PRKAR2A: variants seen among roughly 807,000 people sequenced by gnomAD.
PRKAR2A encodes protein kinase cAMP-dependent type II regulatory subunit alpha.
A neutral mutation model predicts 51.9 loss-of-function variants in PRKAR2A; 29 were observed. The ratio of observed to expected loss-of-function variants is 0.56; its 90% CI spans 0.42 to 0.76. The LOEUF is 0.76. PRKAR2A is among the 30% of genes least tolerant of loss of function. The pLI is 0.00. For missense variants in PRKAR2A, 445 were observed against 512.1 expected, an observed-to-expected ratio of 0.87 and a Z score of 1.26; for synonymous variants, 178 against 186.2, an observed-to-expected ratio of 0.96 and a Z score of 0.36.
chr3:48,768,294 A>AAGAT (rs561041221), intron 6 of PRKAR2A, among the ~76,000 whole-genome samples: 67,210 of 140,034 alleles, frequency 0.48, 16,321 homozygotes, highest in East Asian at 0.52. Flanking sequence ...ACCGTCTCAA[A>AAGAT]AGATAGATAG....
intron 8 of PRKAR2A, among the ~76,000 whole-genome samples, chr3:48,764,613 G>A (rs1309577662): frequency 6.6e-6 from 1 of 152,058 alleles, no homozygotes; most frequent in African/African-American, 2.4e-5. Context: ...CCAACAGTGG[G>A]AGAACATAGA....
chr3:48,842,514 A>G (rs1389621827), intron 1 of PRKAR2A, among the ~76,000 whole-genome samples: 1 of 152,186 alleles, frequency 6.6e-6, no homozygotes, highest in African/African-American at 2.4e-5. Context: ...GAATGCTTCC[A>G]GTTTTTGCCC....
intron 1 of PRKAR2A, among the ~76,000 whole-genome samples, chr3:48,808,039 TC>T: frequency 7.2e-6 from 1 of 139,618 alleles, no homozygotes; most frequent in Non-Finnish European, 1.5e-5. Flanking sequence ...TTTCTTTTTT[TC>T]TTTCTTTCTT....
At chr3:48,764,373 T>C (rs983403690) in intron 8 of PRKAR2A, among the ~76,000 whole-genome samples, 1 of 152,128 alleles carries the variant, frequency 6.6e-6, no homozygotes, top group Non-Finnish European at 1.5e-5. Flanking sequence ...GTGTCAAATA[T>C]AGAAAGTTAG....
intron 9 of PRKAR2A, among the ~76,000 whole-genome samples, chr3:48,754,885 C>G (rs1381538100): frequency 6.6e-6 from 1 of 150,412 alleles, no homozygotes; most frequent in Non-Finnish European, 1.5e-5. Context: ...CCACTGCATT[C>G]CAGCCTGGGC....
At chr3:48,765,649 C>G (rs1227815231) in intron 6 of PRKAR2A, among the ~76,000 whole-genome samples, 1 of 120,178 alleles carries the variant, frequency 8.3e-6, no homozygotes, top group East Asian at 3.0e-4. Flanking sequence ...TGTTCAATAT[C>G]AAAAAAGACA....
At position 48,847,388 on chromosome 3, in the gene PRKAR2A, C is replaced by G; in HGVS notation, c.209G>C (p.Arg70Pro). 1 of 1,611,458 alleles carries G rather than the reference C, an allele frequency of 6.2e-7. No individual in the cohort carries two copies. Among genetic ancestry groups the G allele is most frequent in the Non-Finnish European group, 8.5e-7 (1 of 1,178,896 alleles). Residue 70 changes from arginine to proline, a missense_variant, in exon 1 of 11, where the codon CGT becomes CCT. Coordinates refer to ENST00000265563, the MANE Select transcript of PRKAR2A (RefSeq NM_004157.4). This position sits in a 1 kb window ranked among gnomAD's most constrained non-coding sequence, Gnocchi z 4.4. Reference protein sequence around the residue: ...GHPPPEPGPDRVADAKGDSES... With the variant: ...GHPPPEPGPDPVADAKGDSES... The stretch of plus-strand genomic sequence containing the variant: ...GCTGTCCCCTTTGGCGTCGGCGACA[C>G]GGTCCGGGCCGGGTTCTGGCGGGGG...
chr3:48,825,725 A>C (rs1353289693), intron 1 of PRKAR2A, among the ~76,000 whole-genome samples: 3 of 152,192 alleles, frequency 2.0e-5, no homozygotes, highest in Admixed American at 1.3e-4. Context: ...CAAAGGCCAC[A>C]TCCCCCTTCT....
intron 1 of PRKAR2A, among the ~76,000 whole-genome samples, chr3:48,827,107 T>G (rs1447890292): frequency 1.3e-5 from 2 of 152,080 alleles, no homozygotes; most frequent in African/African-American, 4.8e-5. Context: ...ATATCCAGAA[T>G]TCTCTGATGA....
intron 1 of PRKAR2A, among the ~76,000 whole-genome samples, chr3:48,822,867 G>A (rs2082991643): frequency 6.6e-6 from 1 of 151,940 alleles, no homozygotes; most frequent in East Asian, 1.9e-4. Flanking sequence ...CACTGCTATA[G>A]GGGAAGGGAA....
intron 1 of PRKAR2A, among the ~76,000 whole-genome samples, chr3:48,818,627 A>T (rs935578962): frequency 2.0e-5 from 3 of 152,170 alleles, no homozygotes; most frequent in African/African-American, 7.2e-5. Context: ...AGTGGTGTGC[A>T]CCTACAGTGC....
chr3:48,753,481 C>A (rs2081698561), intron 9 of PRKAR2A, among the ~76,000 whole-genome samples: 1 of 151,948 alleles, frequency 6.6e-6, no homozygotes, highest in Non-Finnish European at 1.5e-5. Flanking sequence ...ACGGTTTGAC[C>A]CTTCTTCCTT....
chr3:48,836,650 G>T (rs1316382758), intron 1 of PRKAR2A, among the ~76,000 whole-genome samples: 1 of 151,500 alleles, frequency 6.6e-6, no homozygotes, highest in East Asian at 1.9e-4. Flanking sequence ...GATTTCATCA[G>T]AATTAAAAAC....
chr3:48,764,228 CAAAG>C (rs1307233310), intron 8 of PRKAR2A, among the ~76,000 whole-genome samples: 3 of 152,158 alleles, frequency 2.0e-5, no homozygotes, highest in African/African-American at 7.2e-5. Context: ...ACACAGCGGA[CAAAG>C]AAAATTATCA....
At chr3:48,800,236 TG>T (rs1307070257) in intron 2 of PRKAR2A, among the ~76,000 whole-genome samples, 1 of 150,906 alleles carries the variant, frequency 6.6e-6, no homozygotes, top group African/African-American at 2.4e-5. Context: ...TTGGGAGGGC[TG>T]GGCACAGTGG....
intron 2 of PRKAR2A, among the ~76,000 whole-genome samples, chr3:48,804,743 G>T (rs559231819): frequency 1.3e-5 from 2 of 152,128 alleles, no homozygotes; most frequent in African/African-American, 4.8e-5. Context: ...GCTGAAGTAG[G>T]GTGGACAACT....
intron 2 of PRKAR2A, among the ~76,000 whole-genome samples, chr3:48,799,698 C>G (rs2082554868): frequency 6.6e-6 from 1 of 152,182 alleles, no homozygotes; most frequent in Admixed American, 6.5e-5. Context: ...ACCAGGTTCT[C>G]AGTGGACTGT....
chr3:48,842,186 G>A (rs2083391942), intron 1 of PRKAR2A, among the ~76,000 whole-genome samples: 1 of 152,170 alleles, frequency 6.6e-6, no homozygotes, highest in African/African-American at 2.4e-5. Flanking sequence ...TTGTGAATGG[G>A]AGTTCACTCA....
At chr3:48,821,237 G>A (rs894062840) in intron 1 of PRKAR2A, among the ~76,000 whole-genome samples, 11 of 152,124 alleles carry the variant, frequency 7.2e-5, no homozygotes, top group African/African-American at 2.7e-4. Context: ...TTACCCAGGG[G>A]CAGAAACTTC....
Sources: gnomAD v4.1 joint callset for allele counts (sites outside exome capture counted in the v4.1 genomes callset) on GRCh38, gnomAD v4.1.1 for gene constraint, Gnocchi (gnomAD v3.1) non-coding constraint, MANE v1.5 for transcripts, NCBI Gene and HGNC (gene_info 2026-07-23, HGNC 2026-07-21) for gene names.